Variants in TXNRD3 observed in about 807,000 individuals in gnomAD.
TXNRD3 encodes the protein TXNRD3 neighbor gene protein.
TXNRD3 carries 68 observed loss-of-function variants against 78.2 expected under a neutral mutation model. The observed-to-expected ratio is 0.87, with a 90% CI of 0.72 to 1.06. The LOEUF (loss-of-function observed/expected upper bound fraction) is 1.06, where lower values mean the gene tolerates loss of function less well. Among genes scored for constraint, TXNRD3 ranks in the 50% least tolerant of loss-of-function variants. TXNRD3 has a pLI of 0.00. For missense variants in TXNRD3, 751 were observed against 809.5 expected, an observed-to-expected ratio of 0.93 and a Z score of 0.88; for synonymous variants, 296 against 300.1, an observed-to-expected ratio of 0.99 and a Z score of 0.14.
chr3:126,608,034 A>G, intron 15 of TXNRD3, 61 bp from the exon 16 acceptor site: 1 of 1,206,820 alleles, frequency 8.3e-7, no homozygotes, highest in Non-Finnish European at 1.1e-6. Context: ...AAAAAAACAC[A>G]TTCTGAATAT....
intron 6 of TXNRD3, among the ~76,000 whole-genome samples, chr3:126,640,334 C>G (rs1424738156): frequency 1.0e-4 from 1 of 9,608 alleles, no homozygotes; most frequent in African/African-American, 1.6e-4. Context: ...GTCTCGATCT[C>G]CTGACCTCGT....
Position 126,642,040 on chromosome 3 carries a change from T to C in TXNRD3, c.704A>G (p.Asn235Ser), listed in dbSNP as rs1212220312. ...TATGAACCATTACTCACCTTGTTGA[T>C]TATATTCCCAGCCAAATTTCCTTGA... The change falls in exon 6 of 16, where the codon AAT (asparagine) becomes AGT (serine). Residue 235 changes from asparagine (N) to serine (S), a missense_variant. Coordinates refer to ENST00000524230, the MANE Select transcript of TXNRD3 (RefSeq NM_052883.3). 2 of 1,535,080 alleles carry C rather than the reference T, an allele frequency of 1.3e-6. No individual in the cohort carries two copies. Among genetic ancestry groups the C allele is most frequent in the East Asian group, 2.4e-5 (1 of 40,914 alleles).
chr3:126,652,695 G>A (rs1933418255), intron 1 of TXNRD3, among the ~76,000 whole-genome samples: 1 of 152,168 alleles, frequency 6.6e-6, no homozygotes, highest in African/African-American at 2.4e-5. Flanking sequence ...GTGTGCAAGT[G>A]CACCTGCAAT....
At chr3:126,628,118 A>C (rs1307936656) in intron 10 of TXNRD3, among the ~76,000 whole-genome samples, 1 of 152,188 alleles carries the variant, frequency 6.6e-6, no homozygotes, top group African/African-American at 2.4e-5. Flanking sequence ...GTTATAATTG[A>C]ACATACATTC....
intron 10 of TXNRD3, among the ~76,000 whole-genome samples, chr3:126,628,273 T>C (rs1938625935): frequency 6.6e-6 from 1 of 152,118 alleles, no homozygotes; most frequent in Admixed American, 6.5e-5. Context: ...CTTTTGATAT[T>C]GTAAATAAGA....
intron 13 of TXNRD3, among the ~76,000 whole-genome samples, chr3:126,612,342 CT>C (rs1415685625): frequency 6.6e-6 from 1 of 152,124 alleles, no homozygotes; most frequent in Non-Finnish European, 1.5e-5. Context: ...CCCACCACTT[CT>C]ACCTATTTTA....
At chr3:126,642,597 C>A (rs1933121910) in intron 5 of TXNRD3, among the ~76,000 whole-genome samples, 1 of 152,152 alleles carries the variant, frequency 6.6e-6, no homozygotes, top group Admixed American at 6.5e-5. Context: ...ACGGAGTGCC[C>A]CTTTGCAGGG....
In TXNRD3 at chr3:126,629,398, A is replaced by G; in HGVS notation, c.1271T>C (p.Ile424Thr). ...ACTCACTGTGTTATAGACTCCTTCA[A>G]TTGTTTCTGTTCCTTCAGTGGATTT... is the stretch of plus-strand genomic sequence containing the variant. Residue 424 changes from isoleucine (I) to threonine (T), a missense_variant, in exon 10 of 16, where the codon ATT becomes ACT. Transcript: ENST00000524230. The G allele has an allele frequency of 6.5e-7, 1 of 1,535,408 alleles. No homozygotes were observed. Among genetic ancestry groups the G allele is most frequent in the Non-Finnish European group, 8.7e-7 (1 of 1,146,416 alleles).
chr3:126,651,288 A>G (rs1933383081), intron 1 of TXNRD3, among the ~76,000 whole-genome samples: 1 of 152,218 alleles, frequency 6.6e-6, no homozygotes, highest in Non-Finnish European at 1.5e-5. Flanking sequence ...CCTTCCAAGC[A>G]GAAGCAAGGT....
At chr3:126,608,853 T>G (rs574819399) in intron 14 of TXNRD3, among the ~76,000 whole-genome samples, 2 of 152,310 alleles carry the variant, frequency 1.3e-5, no homozygotes, top group South Asian at 4.1e-4. Flanking sequence ...CACTCAAATT[T>G]ACTAGAACAA....
chr3:126,646,005 A>G, intron 3 of TXNRD3, 106 bp downstream of exon 3: 1 of 798,060 alleles, frequency 1.3e-6, no homozygotes, highest in Non-Finnish European at 1.9e-6. Context: ...TTCATTTTAT[A>G]ACTTCCAAAA....
Position 126,622,447 on chromosome 3 carries a change from G to C in TXNRD3, c.1367+17C>G. The stretch of plus-strand genomic sequence containing the variant: ...TTGCTTTGTGCAGCAACAGTGCAGT[G>C]ATCCCAATATACTTACTTCTCATTA... On this transcript the variant is annotated intron_variant, in intron 11 of 15. Transcript: ENST00000524230. 1 of 1,522,574 alleles carries C rather than the reference G, an allele frequency of 6.6e-7. No homozygotes were observed. Among genetic ancestry groups the C allele is most frequent in the East Asian group, 2.5e-5 (1 of 40,788 alleles). 94.3% of individuals were successfully genotyped at this position (1,522,574 alleles called of 1,614,324 possible).
chr3:126,625,973 C>T (rs562070701), intron 10 of TXNRD3: 5 of 152,868 alleles, frequency 3.3e-5, no homozygotes, highest in African/African-American at 1.2e-4. Context: ...GATGTTATTG[C>T]AGAGCTTCGA....
At chr3:126,628,982 T>G (rs1938645289) in intron 10 of TXNRD3, among the ~76,000 whole-genome samples, 1 of 152,134 alleles carries the variant, frequency 6.6e-6, no homozygotes, top group Non-Finnish European at 1.5e-5. Flanking sequence ...CCATGGGTTA[T>G]TTCACATTGT....
intron 6 of TXNRD3, among the ~76,000 whole-genome samples, chr3:126,634,840 C>A (rs1938814998): frequency 6.6e-6 from 1 of 152,272 alleles, no homozygotes; most frequent in South Asian, 2.1e-4. Flanking sequence ...GAAAATTACC[C>A]CATCTATCAC....
intron 1 of TXNRD3, among the ~76,000 whole-genome samples, chr3:126,649,235 C>G (rs564844308): frequency 1.3e-5 from 2 of 152,136 alleles, no homozygotes; most frequent in African/African-American, 4.8e-5. Flanking sequence ...ATAATAAGCA[C>G]GTGAAAAGTT....
chr3:126,615,767 A>G (rs1344392234), intron 12 of TXNRD3, among the ~76,000 whole-genome samples: 1 of 152,152 alleles, frequency 6.6e-6, no homozygotes, highest in Non-Finnish European at 1.5e-5. Context: ...CTGCCCCTAA[A>G]GACACTCTCC....
At chr3:126,616,391 G>A (rs147040562) in intron 12 of TXNRD3, among the ~76,000 whole-genome samples, 67 of 152,320 alleles carry the variant, frequency 4.4e-4, no homozygotes, top group African/African-American at 1.6e-3. Context: ...GATCTCACAA[G>A]AGCCAACACA....
chr3:126,618,206 T>C (rs927572561), intron 12 of TXNRD3, among the ~76,000 whole-genome samples: 4 of 152,132 alleles, frequency 2.6e-5, no homozygotes, highest in African/African-American at 7.2e-5. Context: ...TTCTTCACAG[T>C]AGTAGAAAAA....
Sources: gnomAD v4.1 joint callset for allele counts (sites outside exome capture counted in the v4.1 genomes callset) on GRCh38, gnomAD v4.1.1 for gene constraint, MANE v1.5 for transcripts, NCBI Gene and HGNC (gene_info 2026-07-23, HGNC 2026-07-21) for gene names.